The following DLGAP2 variants were observed in gnomAD, a reference collection of about 807,000 sequenced individuals.
DLGAP2 encodes DLG associated protein 2, also known as disks large-associated protein 2.
In DLGAP2, 26 loss-of-function variants were observed where a neutral mutation model predicts 100.3. That is an observed-to-expected ratio of 0.26 (90% CI 0.19 to 0.36). The LOEUF is 0.36. DLGAP2 is among the 10% of genes least tolerant of loss of function. The pLI is 1.00. For synonymous variants in DLGAP2, 886 were observed against 630.1 expected (o/e 1.41, Z -6.08); for missense variants, 1,858 against 1,453.2 (o/e 1.28, Z -4.53).
At chr8:1,288,557 T>TG (rs36166457) in intron 3 of DLGAP2, among the ~76,000 whole-genome samples, 85,803 of 118,304 alleles carry the variant, frequency 0.73, 30,414 homozygotes, top group African/African-American at 0.85. Flanking sequence ...TGTGTGTGTG[T>TG]GTGGTTAGGA....
At chr8:753,924 C>T (rs544176896) in intron 1 of DLGAP2, 30 of 152,356 alleles carry the variant, frequency 2.0e-4, no homozygotes, top group Middle Eastern at 3.4e-3. Context: ...GAAGGGCCTT[C>T]GCGGCCCCAC....
chr8:1,323,128 C>G (rs1284878906), intron 3 of DLGAP2, among the ~76,000 whole-genome samples: 6 of 151,734 alleles, frequency 4.0e-5, no homozygotes, highest in Admixed American at 3.9e-4. Flanking sequence ...CTCCCAGGTT[C>G]AAGCAATTCT....
At position 1,606,885 on chromosome 8, in the gene DLGAP2, A is replaced by G. The variant is rs371442161; in HGVS notation, c.1443-19855A>G. Reference sequence around the variant, plus strand: ...TTTTTGGTAGAGACGAGATTTCATCATGTTGCCCAGGCTAGTCTCAAACTC... The same window carrying G: ...TTTTTGGTAGAGACGAGATTTCATCGTGTTGCCCAGGCTAGTCTCAAACTC... On this transcript the variant is annotated intron_variant, in intron 6 of 14. Transcript: ENST00000637795. Among the ~76,000 whole-genome samples, 11 of 152,086 alleles carry G rather than the reference A, an allele frequency of 7.2e-5. No homozygotes were observed. In the East Asian group the frequency reaches 1.4e-3, roughly 19 times the overall value.
rs1232778952 is a variant in DLGAP2 at position 1,312,112 on chromosome 8, A to G, written c.106+53229A>G. 2.0e-5 allele frequency among the ~76,000 whole-genome samples: 3 copies of G among 152,346 alleles called. 1 individual carries two copies. Among genetic ancestry groups the G allele is most frequent in the Non-Finnish European group, 1.5e-5 (1 of 68,030 alleles). The stretch of plus-strand genomic sequence containing the variant: ...CAGCAGCAGAACACAGATTCTTCCC[A>G]AGCTCGCACAGAACATTCGCCAAGA... On this transcript the variant is annotated intron_variant, in intron 3 of 14. Coordinates refer to ENST00000637795, the MANE Select transcript of DLGAP2 (RefSeq NM_001346810.2).
intron 5 of DLGAP2, among the ~76,000 whole-genome samples, chr8:1,553,208 C>T (rs931920506): frequency 6.6e-6 from 1 of 152,202 alleles, no homozygotes; most frequent in Admixed American, 6.5e-5. Flanking sequence ...CTCCTGTCCT[C>T]AGGCCTCCTC....
chr8:1,064,570 G>A (rs1803185895), intron 2 of DLGAP2, among the ~76,000 whole-genome samples: 2 of 152,164 alleles, frequency 1.3e-5, no homozygotes, highest in African/African-American at 4.8e-5. Context: ...TGTTTTCTAA[G>A]GCAATATCTG....
chr8:1,419,999 A>G (rs931608348), intron 3 of DLGAP2, among the ~76,000 whole-genome samples: 2 of 152,230 alleles, frequency 1.3e-5, no homozygotes, highest in African/African-American at 4.8e-5. Flanking sequence ...CAGCTGTAAA[A>G]AGAATGAAAT....
rs143427970 is a variant in DLGAP2 at position 1,202,499 on chromosome 8, G to A, written c.74-56352G>A. ...ACCCTTTCTGTAGGAAGAAGGAGAT[G>A]TCAGACATACAAAAACATGTTTTAA... is the stretch of plus-strand genomic sequence containing the variant. On this transcript the variant is annotated intron_variant, in intron 2 of 14. Transcript: ENST00000637795. Among the ~76,000 whole-genome samples, 371 of 152,248 alleles carry A rather than the reference G, an allele frequency of 2.4e-3. 1 individual carries two copies. The highest frequency in any genetic ancestry group is 8.5e-3 in the African/African-American group (353 of 41,530).
intron 3 of DLGAP2, among the ~76,000 whole-genome samples, chr8:1,412,735 C>T (rs910274382): frequency 6.6e-6 from 1 of 152,178 alleles, no homozygotes; most frequent in East Asian, 1.9e-4. Flanking sequence ...CTTAGCAAGA[C>T]CTCTACAGGC....
At chr8:769,054 C>T (rs1437892461) in intron 1 of DLGAP2, among the ~76,000 whole-genome samples, 3 of 152,130 alleles carry the variant, frequency 2.0e-5, no homozygotes, top group African/African-American at 4.8e-5. Flanking sequence ...TGAGACAGTG[C>T]GTGCATGGTC....
chr8:1,598,546 G>A (rs1796528994), intron 6 of DLGAP2, among the ~76,000 whole-genome samples: 1 of 152,124 alleles, frequency 6.6e-6, no homozygotes. Flanking sequence ...TTCAGAACTT[G>A]TTATTGGTGT....
chr8:1,117,551 T>G (rs1452390340), intron 2 of DLGAP2, among the ~76,000 whole-genome samples: 5 of 152,172 alleles, frequency 3.3e-5, no homozygotes, highest in Non-Finnish European at 1.5e-5. Context: ...GACCGTCAGA[T>G]TCAGAGAGAA....
chr8:1,232,669 C>T (rs537408670), intron 2 of DLGAP2, among the ~76,000 whole-genome samples: 4 of 152,200 alleles, frequency 2.6e-5, no homozygotes, highest in African/African-American at 9.7e-5. Context: ...CTTGCAAAAT[C>T]TCTGTAAAGT....
At chr8:1,025,376 A>G (rs997556570) in intron 2 of DLGAP2, among the ~76,000 whole-genome samples, 2 of 152,172 alleles carry the variant, frequency 1.3e-5, no homozygotes, top group African/African-American at 4.8e-5. Context: ...CCATAAACTT[A>G]ACTGAGCCCG....
chr8:1,593,925 C>G (rs968801294), intron 6 of DLGAP2, among the ~76,000 whole-genome samples: 12 of 152,252 alleles, frequency 7.9e-5, no homozygotes, highest in South Asian at 2.1e-4. Context: ...GCACAGAGAA[C>G]TGGCATCTAC....
At chr8:1,315,888 C>G (rs913921969) in intron 3 of DLGAP2, among the ~76,000 whole-genome samples, 1 of 134,344 alleles carries the variant, frequency 7.4e-6, no homozygotes, top group Non-Finnish European at 1.6e-5. Context: ...GGTCTACACT[C>G]GAGAAACTTG....
At chr8:857,131 T>C (rs1168092412) in intron 1 of DLGAP2, among the ~76,000 whole-genome samples, 2 of 152,236 alleles carry the variant, frequency 1.3e-5, no homozygotes, top group East Asian at 1.9e-4. Flanking sequence ...AGGATGCTCT[T>C]ATCAACAGAT....
At chr8:1,330,360 G>A (rs1801123563) in intron 3 of DLGAP2, among the ~76,000 whole-genome samples, 1 of 151,284 alleles carries the variant, frequency 6.6e-6, no homozygotes, top group Non-Finnish European at 1.5e-5. Context: ...AGTTCTGGGT[G>A]GGACTGAGTT....
chr8:1,584,688 T>G (rs1290785543), intron 6 of DLGAP2, among the ~76,000 whole-genome samples: 1 of 152,120 alleles, frequency 6.6e-6, no homozygotes, highest in Non-Finnish European at 1.5e-5. Flanking sequence ...GACCTGGGGA[T>G]TCGAATGGCA....
Sources: allele counts gnomAD v4.1 joint callset (sites outside exome capture counted in the v4.1 genomes callset), GRCh38; gene constraint gnomAD v4.1.1; transcripts MANE v1.5; gene names NCBI Gene and HGNC (gene_info 2026-07-23, HGNC 2026-07-21).